Variants in AFMID observed in about 807,000 individuals in gnomAD.
AFMID encodes the protein arylformamidase.
A neutral mutation model predicts 47.5 loss-of-function variants in AFMID; 39 were observed. That is an observed-to-expected ratio of 0.82 (90% CI 0.64 to 1.07). The LOEUF (loss-of-function observed/expected upper bound fraction) is 1.07, where lower values mean the gene tolerates loss of function less well. AFMID is among the 50% of genes least tolerant of loss of function. The pLI is 0.00. For missense variants in AFMID, 375 were observed against 387.5 expected (o/e 0.97, Z 0.27); for synonymous variants, 130 against 153.2 (o/e 0.85, Z 1.12).
chr17:78,195,192 CTT>C (rs1023541874), intron 2 of AFMID, among the ~76,000 whole-genome samples: 1 of 79,056 alleles, frequency 1.3e-5, no homozygotes. Flanking sequence ...CAGTTTCTTT[CTT>C]TTTTTTTTTC....
intron 4 of AFMID, chr17:78,203,320 C>CA (rs1283790248): frequency 2.6e-5 from 4 of 151,334 alleles, no homozygotes; most frequent in African/African-American, 9.7e-5. Context: ...CTTGACCTCT[C>CA]AAAGTTCTGG....
In AFMID at chr17:78,204,875, G is replaced by C. The variant is rs776692587; in HGVS notation, c.442G>C (p.Val148Leu). 1 of 1,614,106 alleles carries C rather than the reference G, an allele frequency of 6.2e-7. No individual in the cohort carries two copies. Among genetic ancestry groups the C allele is most frequent in the South Asian group, 1.1e-5 (1 of 91,090 alleles). Residue 148 changes from valine to leucine, a missense_variant, in exon 6 of 11, where the codon GTC (valine) becomes CTC (leucine). Physicochemically the swap from Val to Leu is conservative, Grantham distance 32. Transcript: ENST00000409257. ...CCAGGTGACCCGCAGCGTTGCGTTTGTCCAGAAGCGGTATCCAAGCAACAA... is the reference window on the plus strand; with the variant it reads ...CCAGGTGACCCGCAGCGTTGCGTTTCTCCAGAAGCGGTATCCAAGCAACAA... ...VDQVTRSVAF[V>L]QKRYPSNKGI...
At chr17:78,196,993 C>G (rs575475699) in intron 2 of AFMID, 1 of 686,326 alleles carries the variant, frequency 1.5e-6, no homozygotes, top group African/African-American at 1.8e-5. Context: ...TTCTCTTTCC[C>G]GAGGTTAGTA....
At chr17:78,205,346 T>C in intron 7 of AFMID, 94 bp from the exon 8 acceptor site, 1 of 1,490,094 alleles carries the variant, frequency 6.7e-7, no homozygotes, top group Non-Finnish European at 9.3e-7. Flanking sequence ...TCTGTGCCCC[T>C]TCCCCTGGTC....
At chr17:78,202,435 A>G in intron 2 of AFMID, 64 bp from the exon 3 acceptor site, 1 of 1,540,194 alleles carries the variant, frequency 6.5e-7, no homozygotes, top group African/African-American at 1.4e-5. Flanking sequence ...TCTCAAAAAA[A>G]AGAAAAGAAA....
rs763164801 is a variant in AFMID, at chr17:78,207,049, C to G, written c.*112C>G. The G allele has an allele frequency of 3.4e-6, 4 of 1,176,216 alleles. No homozygotes were observed. The African/African-American group carries it at 6.1e-5, about 18-fold the overall frequency. The allele number at this position is 1,176,216 out of a possible 1,614,324, so 72.9% of individuals were successfully genotyped here. ...CAGTTTCCCCCAGCACCCAGGAGAG[C>G]CTTGCTGTGTCTGTCTGCCCGGCAA... On this transcript the variant is annotated 3_prime_UTR_variant, in exon 11 of 11. Transcript: ENST00000409257.
intron 2 of AFMID, among the ~76,000 whole-genome samples, chr17:78,191,803 A>C (rs1598988102): frequency 2.0e-5 from 3 of 147,024 alleles, no homozygotes; most frequent in Admixed American, 6.8e-5. Flanking sequence ...GATTCTCCTG[A>C]CTCAGCTTCC....
rs746818605 is a variant in AFMID, at chr17:78,206,920, A to G, written c.895A>G (p.Lys299Glu). Residue 299 changes from lysine (K) to glutamate (E), a missense_variant, in exon 11 of 11, where the codon AAA (lysine) becomes GAA (glutamate). Transcript: ENST00000409257. The part of the protein sequence containing the change: ...KDNVLTQIIL[K>E]TIFQ ...TCTCTTCCTGTTCCAGATTATCTTGAAAACAATCTTCCAGTAGTTCTGACG... is the reference window on the plus strand; with the variant it reads ...TCTCTTCCTGTTCCAGATTATCTTGGAAACAATCTTCCAGTAGTTCTGACG... The G allele has an allele frequency of 1.2e-6, 2 of 1,614,022 alleles. No individual in the cohort carries two copies. Among genetic ancestry groups the G allele is most frequent in the Non-Finnish European group, 1.7e-6 (2 of 1,179,988 alleles).
chr17:78,188,423 A>G (rs1037850140), intron 1 of AFMID, among the ~76,000 whole-genome samples: 1 of 152,230 alleles, frequency 6.6e-6, no homozygotes, highest in East Asian at 1.9e-4. Context: ...ATTTGGATAC[A>G]TGCCTTCTTT....
chr17:78,199,943 C>T (rs964344549), intron 2 of AFMID, among the ~76,000 whole-genome samples: 2 of 152,000 alleles, frequency 1.3e-5, no homozygotes, highest in African/African-American at 4.8e-5. Flanking sequence ...GGCTGGCCCC[C>T]AGAGGCCTTA....
chr17:78,204,372 C>T (rs931594280), intron 4 of AFMID, among the ~76,000 whole-genome samples: 2 of 152,074 alleles, frequency 1.3e-5, no homozygotes, highest in Admixed American at 6.6e-5. Flanking sequence ...CCCAGGAGGT[C>T]GAGGCTACAG....
intron 2 of AFMID, among the ~76,000 whole-genome samples, chr17:78,196,829 A>G (rs1335996996): frequency 2.6e-5 from 4 of 152,240 alleles, no homozygotes; most frequent in Admixed American, 6.5e-5. Context: ...ATGAGAAAGG[A>G]AGTTTGCCAT....
At position 78,190,895 on chromosome 17, in the gene AFMID, G is replaced by A. The variant is rs992310934; in HGVS notation, c.64-75G>A. 5.7e-5 allele frequency: 78 copies of A among 1,357,726 alleles called. 3 individuals are homozygous for A. Among genetic ancestry groups the A allele is most frequent in the Middle Eastern group, 4.8e-4 (2 of 4,180 alleles). 84.1% of individuals were successfully genotyped at this position (1,357,726 alleles called of 1,614,324 possible). Reference sequence around the variant, plus strand: ...GCTTCTAAGGCAGAGAGGAGCAGCCGGGCATGGGCGAGGGGGAGGGGCACA... The same window carrying A: ...GCTTCTAAGGCAGAGAGGAGCAGCCAGGCATGGGCGAGGGGGAGGGGCACA... On this transcript the variant is annotated intron_variant, in intron 1 of 10. Transcript: ENST00000409257.
chr17:78,196,714 A>G (rs1377297212), intron 2 of AFMID, among the ~76,000 whole-genome samples: 2 of 152,164 alleles, frequency 1.3e-5, no homozygotes, highest in East Asian at 1.9e-4. Context: ...TCTAACCCAA[A>G]ACAATTGAAA....
chr17:78,205,377 G>T, intron 7 of AFMID, 63 bp from the exon 8 acceptor site: 1 of 1,578,894 alleles, frequency 6.3e-7, no homozygotes, highest in Non-Finnish European at 8.7e-7. Context: ...GGCGGTGGGG[G>T]TGGGCTGGCC....
chr17:78,196,655 G>C (rs2076123124), intron 2 of AFMID, among the ~76,000 whole-genome samples: 1 of 151,960 alleles, frequency 6.6e-6, no homozygotes, highest in Non-Finnish European at 1.5e-5. Flanking sequence ...CTCCAGCCTG[G>C]GCAACAAAGA....
intron 7 of AFMID, 116 bp from the exon 8 acceptor site, chr17:78,205,324 T>G: frequency 6.3e-6 from 9 of 1,439,924 alleles, no homozygotes; most frequent in Non-Finnish European, 8.7e-6. Context: ...GAGCAAGGCC[T>G]TCTCTGCCTC....
At position 78,206,931 on chromosome 17, in the gene AFMID, C is replaced by G. The variant is rs200823680; in HGVS notation, c.906C>G (p.Phe302Leu). 18 of 1,614,092 alleles carry G rather than the reference C, an allele frequency of 1.1e-5. No homozygotes were observed. The highest frequency in any genetic ancestry group is 1.4e-5 in the Non-Finnish European group (17 of 1,180,010). Reference sequence around the variant, plus strand: ...TCCAGATTATCTTGAAAACAATCTTCCAGTAGTTCTGACGATACTTGGAGC... The same window carrying G: ...TCCAGATTATCTTGAAAACAATCTTGCAGTAGTTCTGACGATACTTGGAGC... ...VLTQIILKTI[F>L]Q Residue 302 changes from phenylalanine to leucine, a missense_variant, in exon 11 of 11, where the codon TTC (phenylalanine) becomes TTG (leucine). Transcript: ENST00000409257.
chr17:78,187,675 C>T (rs572152491), intron 1 of AFMID, among the ~76,000 whole-genome samples: 97 of 152,014 alleles, frequency 6.4e-4, no homozygotes, highest in Non-Finnish European at 8.7e-4. Flanking sequence ...CTAATAATAT[C>T]CGTAGACCCT....
Sources: gnomAD v4.1 joint callset for allele counts (sites outside exome capture counted in the v4.1 genomes callset) on GRCh38, gnomAD v4.1.1 for gene constraint, MANE v1.5 for transcripts, NCBI Gene and HGNC (gene_info 2026-07-23, HGNC 2026-07-21) for gene names.